The following CLCN2 variants were observed in gnomAD, a reference collection of about 807,000 sequenced individuals.
CLCN2 encodes chloride voltage-gated channel 2.
CLCN2 carries 72 observed loss-of-function variants against 108.3 expected under a neutral mutation model. The observed-to-expected ratio is 0.66, with a 90% CI of 0.55 to 0.81. The LOEUF is 0.81. CLCN2 is among the 30% of genes least tolerant of loss of function. CLCN2 has a pLI of 0.00. For missense variants in CLCN2, 1,048 were observed against 1,205.2 expected, an observed-to-expected ratio of 0.87 and a Z score of 1.93; for synonymous variants, 471 against 467.1, an observed-to-expected ratio of 1.01 and a Z score of -0.11.
At chr3:184,349,353 G>C (rs962096042) in intron 22 of CLCN2, 8 of 152,284 alleles carry the variant, frequency 5.3e-5, no homozygotes, top group African/African-American at 1.7e-4. Flanking sequence ...TTGAACCTGG[G>C]AGGTGGAGGT....
At chr3:184,352,407 G>A in intron 20 of CLCN2, 36 bp downstream of exon 20, 1 of 1,612,864 alleles carries the variant, frequency 6.2e-7, no homozygotes, top group Non-Finnish European at 8.5e-7. Flanking sequence ...TCCCTGCCCG[G>A]TGCCGCCGAG....
At position 184,355,408 on chromosome 3, in the gene CLCN2, A is replaced by C. The variant is rs1030561056; in HGVS notation, c.1292T>G (p.Val431Gly). 2 of 1,613,916 alleles carry C rather than the reference A, an allele frequency of 1.2e-6. No homozygotes were observed. Among genetic ancestry groups the C allele is most frequent in the Non-Finnish European group, 1.7e-6 (2 of 1,179,994 alleles). Residue 431 changes from valine to glycine, a missense_variant, in exon 12 of 24, where the codon GTC (valine) becomes GGC (glycine). Val to Gly is a moderately radical substitution (Grantham distance 109). Transcript: ENST00000265593. This position sits in a 1 kb window ranked among gnomAD's most constrained non-coding sequence, Gnocchi z 6.3. ...SQAWNPPRAN[V>G]FLTLVIFILM... ...AATGAAGATGACCAGGGTGAGGAAG[A>C]CGTTGGCACGTGGTGGGTTCCAGGC...
intron 18 of CLCN2, 71 bp downstream of exon 18, chr3:184,352,962 G>T (rs1728231939): frequency 2.6e-6 from 4 of 1,543,314 alleles, no homozygotes; most frequent in Non-Finnish European, 3.6e-6. Context: ...CAGCAACAGG[G>T]CTGGGCAGGG....
At chr3:184,358,567 G>A in intron 3 of CLCN2, 115 bp downstream of exon 3, 2 of 1,402,838 alleles carry the variant, frequency 1.4e-6, no homozygotes, top group East Asian at 2.5e-5. Flanking sequence ...CAGACTGGCT[G>A]GGGAAAGTGG....
chr3:184,354,291 C>T lies in CLCN2; in HGVS notation c.1531G>A (p.Val511Met). 6.2e-7 allele frequency: 1 copy of T among 1,613,034 alleles called. No homozygotes were observed. Among genetic ancestry groups the T allele is most frequent in the Non-Finnish European group, 8.5e-7 (1 of 1,179,976 alleles). The change falls in exon 15 of 24, where the codon GTG becomes ATG. Residue 511 changes from valine (V) to methionine (M), a missense_variant. Physicochemically the swap from Val to Met is conservative, Grantham distance 21. Coordinates refer to ENST00000265593, the MANE Select transcript of CLCN2 (RefSeq NM_004366.6). Reference sequence around the variant, plus strand: ...ACAGCCGTGGACACTGTGTGTGTCACCGCTCCTGCCAGCGCAGCTGCCCCT... The same window carrying T: ...ACAGCCGTGGACACTGTGTGTGTCATCGCTCCTGCCAGCGCAGCTGCCCCT... ...VVGAAALAGA[V>M]THTVSTAVIV...
In CLCN2 at chr3:184,352,741, G is replaced by A. The variant is rs770308322; in HGVS notation, c.2213C>T (p.Ser738Leu). ...FCGSPPPEAA[S>L]EKLESCEKRK... ...GGACAGGCTCCAGCCACTCACCTCC[G>A]AAGCAGCCTCAGGGGGTGGACTGCC... Residue 738 changes from serine to leucine, a missense_variant, in exon 19 of 24, where the codon TCG becomes TTG. Transcript: ENST00000265593. The A allele has an allele frequency of 6.2e-5, 100 of 1,612,942 alleles. No homozygotes were observed. The highest frequency in any genetic ancestry group is 8.1e-5 in the Non-Finnish European group (96 of 1,179,948).
At chr3:184,347,097 G>A in intron 22 of CLCN2, 76 bp from the exon 23 acceptor site, 1 of 1,285,382 alleles carries the variant, frequency 7.8e-7, no homozygotes, top group South Asian at 1.2e-5. Context: ...AGGGGCCCAG[G>A]ACAAGGTTGG....
rs749161399 is a variant in CLCN2, at chr3:184,358,976, G to A, written c.219C>T (p.Arg73=). The A allele has an allele frequency of 1.1e-5, 17 of 1,613,246 alleles. No individual in the cohort carries two copies. Among genetic ancestry groups the A allele is most frequent in the South Asian group, 3.3e-5 (3 of 91,080 alleles). ...CCCTGCCCCCACCCCAGTTCTCACC[G>A]CGGCATCGGGCGCAACGGCTCCGTC... is the stretch of plus-strand genomic sequence containing the variant. ...EYGRSRCARC[R]VCSVRCHKFL... The change falls in exon 2 of 24, where the codon CGC becomes CGT. Residue 73 remains arginine (R), a splice_region_variant and synonymous_variant. Coordinates refer to ENST00000265593, the MANE Select transcript of CLCN2 (RefSeq NM_004366.6).
rs1250332879 is a variant in CLCN2, at chr3:184,356,047, C to T, written c.1086-269G>A. On this transcript the variant is annotated intron_variant, in intron 10 of 23. Transcript: ENST00000265593. ...GCAGCAGAAAGTCCATCCTCCAAGCCCTCCCTTGGGGCCCTCCGAGTTGTT... is the reference window on the plus strand; with the variant it reads ...GCAGCAGAAAGTCCATCCTCCAAGCTCTCCCTTGGGGCCCTCCGAGTTGTT... 7 of 478,490 alleles carry T rather than the reference C, an allele frequency of 1.5e-5. No homozygotes were observed. In the Admixed American group the frequency reaches 2.0e-4, roughly 14 times the overall value. 29.6% of individuals were successfully genotyped at this position (478,490 alleles called of 1,614,324 possible). A position where few individuals can be genotyped will look rare whatever the true frequency, so the allele number is the denominator to read the frequency against.
chr3:184,356,671 T>A, intron 10 of CLCN2: 6 of 329,750 alleles, frequency 1.8e-5, no homozygotes, highest in East Asian at 6.8e-5. Flanking sequence ...ATCTCATCTA[T>A]CCCCATGGGT....
chr3:184,358,952 C>T, intron 2 of CLCN2, 23 bp downstream of exon 2: 4 of 1,613,574 alleles, frequency 2.5e-6, no homozygotes, highest in Non-Finnish European at 3.4e-6. Flanking sequence ...AGCCAGGTCC[C>T]CTGCCCCCAC....
chr3:184,352,491 C>A lies in CLCN2; in HGVS notation c.2223G>T (p.Leu741Phe). ...TCAGCTTGCGCTTCTCACAGGATTC[C>A]AACTTCTTCAGTTTTGTTAGAGCCA... is the stretch of plus-strand genomic sequence containing the variant. ...SPPPEAASEK[L>F]ESCEKRKLKR... The change falls in exon 20 of 24, where the codon TTG (leucine) becomes TTT (phenylalanine). Residue 741 changes from leucine to phenylalanine, a missense_variant. Physicochemically the swap from Leu to Phe is conservative, Grantham distance 22. Coordinates refer to ENST00000265593, the MANE Select transcript of CLCN2 (RefSeq NM_004366.6). 6.2e-7 allele frequency: 1 copy of A among 1,613,004 alleles called. No homozygotes were observed. The highest frequency in any genetic ancestry group is 8.5e-7 in the Non-Finnish European group (1 of 1,179,868).
chr3:184,361,330 G>T lies in CLCN2; in HGVS notation c.63+87C>A. On this transcript the variant is annotated intron_variant, in intron 1 of 23. Transcript: ENST00000265593. This position sits in a 1 kb window ranked among gnomAD's most constrained non-coding sequence, Gnocchi z 6.6. Reference sequence around the variant, plus strand: ...CTCAAAATGCTAGGACAGGATTAGGGTAGGCCCCTGGTCCTCGCGCTTCCC... The same window carrying T: ...CTCAAAATGCTAGGACAGGATTAGGTTAGGCCCCTGGTCCTCGCGCTTCCC... 7.4e-7 allele frequency: 1 copy of T among 1,351,452 alleles called. No homozygotes were observed. Among genetic ancestry groups the T allele is most frequent in the Non-Finnish European group, 1.1e-6 (1 of 942,778 alleles). The allele number at this position is 1,351,452 out of a possible 1,614,324, so 83.7% of individuals were successfully genotyped here.
rs1439148834 is a variant in CLCN2 at position 184,346,947 on chromosome 3, A to T, written c.2490T>A (p.Val830=). The stretch of plus-strand genomic sequence containing the variant: ...ACCATCACCTCACCTCCTTTAGAGT[A>T]ACGATTCCAATGAGTCTGCCAATAC... ...VTSIGRLIGI[V]TLKELRKAIE... The change falls in exon 23 of 24, where the codon GTT becomes GTA. Residue 830 remains valine, a synonymous_variant. Coordinates refer to ENST00000265593, the MANE Select transcript of CLCN2 (RefSeq NM_004366.6). The surrounding 1 kb of genome is among the most constrained non-coding windows in gnomAD (Gnocchi z 6.0). The T allele has an allele frequency of 6.2e-7, 1 of 1,613,972 alleles. No individual in the cohort carries two copies. The highest frequency in any genetic ancestry group is 1.3e-5 in the African/African-American group (1 of 74,926).
Position 184,355,043 on chromosome 3 carries a change from G to A in CLCN2, c.1327-70C>T, listed in dbSNP as rs1728443044. ...CCCAGGCAGCCCACAGCGCCACCCA[G>A]GAGAAGTCTACCTCGCTGATCAGGT... On this transcript the variant is annotated intron_variant, in intron 12 of 23. Coordinates refer to ENST00000265593, the MANE Select transcript of CLCN2 (RefSeq NM_004366.6). The surrounding 1 kb of genome is among the most constrained non-coding windows in gnomAD (Gnocchi z 6.3). The A allele has an allele frequency of 3.5e-6, 5 of 1,431,258 alleles. No homozygotes were observed. The highest frequency in any genetic ancestry group is 3.4e-5 in the Admixed American group (2 of 59,188). The allele number at this position is 1,431,258 out of a possible 1,614,324, so 88.7% of individuals were successfully genotyped here.
At chr3:184,352,975 T>C (rs982941746) in intron 18 of CLCN2, 58 bp downstream of exon 18, 9 of 1,563,964 alleles carry the variant, frequency 5.8e-6, no homozygotes, top group South Asian at 5.5e-5. Flanking sequence ...GGGCAGGGAC[T>C]CTAATGGATC....
chr3:184,357,876 G>A lies in CLCN2; in HGVS notation c.616-20C>T. On this transcript the variant is annotated intron_variant, in intron 5 of 23. Coordinates refer to ENST00000265593, the MANE Select transcript of CLCN2 (RefSeq NM_004366.6). ...AGGGCCCTGCGGGGTGGGGCAGGCGGTGAGTCGGGAGGGGGCCCGCCCTGA... is the reference window on the plus strand; with the variant it reads ...AGGGCCCTGCGGGGTGGGGCAGGCGATGAGTCGGGAGGGGGCCCGCCCTGA... 1 of 1,613,656 alleles carries A rather than the reference G, an allele frequency of 6.2e-7. No homozygotes were observed. The highest frequency in any genetic ancestry group is 1.3e-5 in the African/African-American group (1 of 75,060).
Position 184,346,957 on chromosome 3 carries a change from A to G in CLCN2, c.2480T>C (p.Ile827Thr), listed in dbSNP as rs1282263717. 5 of 1,614,086 alleles carry G rather than the reference A, an allele frequency of 3.1e-6. No individual in the cohort carries two copies. The highest frequency in any genetic ancestry group is 4.2e-6 in the Non-Finnish European group (5 of 1,179,968). The change falls in exon 23 of 24, where the codon ATT (isoleucine) becomes ACT (threonine). Residue 827 changes from isoleucine (I) to threonine (T), a missense_variant. By Grantham distance (89) the Ile-to-Thr change is moderately conservative. Transcript: ENST00000265593. This position sits in a 1 kb window ranked among gnomAD's most constrained non-coding sequence, Gnocchi z 6.0. ...HAYVTSIGRL[I>T]GIVTLKELRK... ...CACCTCCTTTAGAGTAACGATTCCA[A>G]TGAGTCTGCCAATACTGGTGACATA...
In CLCN2 at chr3:184,355,876, T is replaced by C. The variant is rs1287108447; in HGVS notation, c.1086-98A>G. The C allele has an allele frequency of 4.2e-6, 4 of 941,900 alleles. No homozygotes were observed. The highest frequency in any genetic ancestry group is 1.6e-5 in the African/African-American group (1 of 61,474). 58.3% of individuals were successfully genotyped at this position (941,900 alleles called of 1,614,324 possible). A position where few individuals can be genotyped will look rare whatever the true frequency, so the allele number is the denominator to read the frequency against. ...TCAGAGCAGAGCCTTGGCTCTTTCA[T>C]GAAAACACTCAGTCCTGACAGAAGG... On this transcript the variant is annotated intron_variant, in intron 10 of 23. Transcript: ENST00000265593. The surrounding 1 kb of genome is among the most constrained non-coding windows in gnomAD (Gnocchi z 6.3).
Sources: gnomAD v4.1 joint callset for allele counts on GRCh38, gnomAD v4.1.1 for gene constraint, Gnocchi (gnomAD v3.1) non-coding constraint, MANE v1.5 for transcripts, NCBI Gene and HGNC (gene_info 2026-07-23, HGNC 2026-07-21) for gene names.